NAV2: variants seen among roughly 807,000 people sequenced by gnomAD.
NAV2 encodes the protein neuron navigator 2, also known as helicase, APC down-regulated 1.
A neutral mutation model predicts 223.2 loss-of-function variants in NAV2; 54 were observed. That is an observed-to-expected ratio of 0.24 (90% confidence interval 0.19 to 0.30). NAV2 has a LOEUF of 0.30. Ranked by LOEUF, NAV2 falls within the 10% of genes least tolerant of loss-of-function variation. The pLI is 1.00. For synonymous variants in NAV2, 1,279 were observed against 1,239.3 expected (o/e 1.03, Z -0.67); for missense variants, 2,806 against 3,147.5 (o/e 0.89, Z 2.60).
chr11:19,813,948 AT>A (rs1284784273), intron 1 of NAV2, among the ~76,000 whole-genome samples: 1 of 152,110 alleles, frequency 6.6e-6, no homozygotes, highest in East Asian at 1.9e-4. Context: ...GTTTCAATTT[AT>A]TTTCTATGCA....
At chr11:19,996,358 C>G (rs2051883560) in intron 11 of NAV2, among the ~76,000 whole-genome samples, 1 of 152,338 alleles carries the variant, frequency 6.6e-6, no homozygotes, top group South Asian at 2.1e-4. Context: ...ATCTGGATTT[C>G]TGACCTTTAA....
At chr11:19,627,608 G>A (rs1481364175) in intron 1 of NAV2, among the ~76,000 whole-genome samples, 1 of 152,076 alleles carries the variant, frequency 6.6e-6, no homozygotes, top group Non-Finnish European at 1.5e-5. Flanking sequence ...TACCAAATTG[G>A]GAAAGTTAGT....
At chr11:19,459,167 T>C (rs1852064304) in intron 1 of NAV2, among the ~76,000 whole-genome samples, 1 of 152,246 alleles carries the variant, frequency 6.6e-6, no homozygotes, top group South Asian at 2.1e-4. Flanking sequence ...TACAGGCTTA[T>C]GCATAAAGAA....
intron 6 of NAV2, among the ~76,000 whole-genome samples, chr11:19,895,098 T>A (rs2041846354): frequency 7.8e-6 from 1 of 128,018 alleles, no homozygotes; most frequent in African/African-American, 2.7e-5. Flanking sequence ...CTTTTTCTTT[T>A]TCTTTCTTTT....
intron 1 of NAV2, among the ~76,000 whole-genome samples, chr11:19,661,085 T>C (rs1170811803): frequency 2.6e-5 from 4 of 152,128 alleles, no homozygotes; most frequent in African/African-American, 9.7e-5. Flanking sequence ...ACCCCTGAAA[T>C]AATAACCATC....
Position 19,772,042 on chromosome 11 carries a change from C to T in NAV2, c.267+58080C>T, listed in dbSNP as rs986495331. Among the ~76,000 whole-genome samples, 7 of 152,152 alleles carry T rather than the reference C, an allele frequency of 4.6e-5. No individual in the cohort carries two copies. The East Asian group carries it at 1.4e-3, about 29-fold the overall frequency. Reference sequence around the variant, plus strand: ...GGCTTGTGGACAGGAGTCCTTTCTTCTCTAGGAAGGATTAGTGCTTTTCTT... The same window carrying T: ...GGCTTGTGGACAGGAGTCCTTTCTTTTCTAGGAAGGATTAGTGCTTTTCTT... On this transcript the variant is annotated intron_variant, in intron 1 of 37. Coordinates refer to ENST00000349880, the MANE Select transcript of NAV2 (RefSeq NM_145117.5).
intron 1 of NAV2, among the ~76,000 whole-genome samples, chr11:19,684,743 A>G (rs557256490): frequency 9.9e-5 from 15 of 152,236 alleles, no homozygotes; most frequent in Non-Finnish European, 1.8e-4. Flanking sequence ...GAGTCTCATC[A>G]TATTTCCAGC....
intron 34 of NAV2, chr11:20,105,175 A>G (rs144032285): frequency 1.1e-3 from 193 of 182,412 alleles, no homozygotes; most frequent in African/African-American, 4.3e-3. Context: ...ATCAAGCACA[A>G]GAGGCAGTTT....
intron 34 of NAV2, among the ~76,000 whole-genome samples, chr11:20,104,031 G>T (rs1412848560): frequency 6.6e-6 from 1 of 152,222 alleles, no homozygotes; most frequent in Non-Finnish European, 1.5e-5. Context: ...ATAGGGTCAA[G>T]GGGGCAGCTC....
Position 20,080,128 on chromosome 11 carries a change from C to T in NAV2, c.5244C>T (p.Ser1748=), listed in dbSNP as rs770025581. Residue 1748 remains serine (S), a synonymous_variant, in exon 25 of 38, where the codon TCC becomes TCT. Coordinates refer to ENST00000349880, the MANE Select transcript of NAV2 (RefSeq NM_145117.5). The part of the protein sequence containing the change: ...IRRQHSSDSV[S]SINSATSHSS... ...GGCAGCACTCCTCAGACAGCGTCTCCAGCATCAACAGTGCCACCAGCCACT... is the reference window on the plus strand; with the variant it reads ...GGCAGCACTCCTCAGACAGCGTCTCTAGCATCAACAGTGCCACCAGCCACT... 2 of 1,614,130 alleles carry T rather than the reference C, an allele frequency of 1.2e-6. No homozygotes were observed. The highest frequency in any genetic ancestry group is 1.7e-5 in the Admixed American group (1 of 60,026).
At chr11:20,044,623 G>T (rs1174975277) in intron 13 of NAV2, among the ~76,000 whole-genome samples, 1 of 152,098 alleles carries the variant, frequency 6.6e-6, no homozygotes, top group Non-Finnish European at 1.5e-5. Flanking sequence ...TTATAAACAA[G>T]GGCAGAGGTA....
chr11:19,529,408 A>G (rs2043953522), intron 1 of NAV2, among the ~76,000 whole-genome samples: 2 of 152,090 alleles, frequency 1.3e-5, no homozygotes, highest in African/African-American at 4.8e-5. Flanking sequence ...TACTTGTGTG[A>G]AAGGACATGG....
At chr11:19,716,189 C>T (rs928405514) in intron 1 of NAV2, among the ~76,000 whole-genome samples, 1 of 152,148 alleles carries the variant, frequency 6.6e-6, no homozygotes, top group African/African-American at 2.4e-5. Context: ...GGCAAATGCT[C>T]TCTTGGGGCC....
intron 26 of NAV2, among the ~76,000 whole-genome samples, chr11:20,083,466 A>C (rs902894719): frequency 6.6e-6 from 1 of 152,218 alleles, no homozygotes. Context: ...AATTTGGGAT[A>C]ATGGTTTTTG....
intron 29 of NAV2, among the ~76,000 whole-genome samples, chr11:20,093,458 T>G (rs2060999968): frequency 6.6e-6 from 1 of 152,182 alleles, no homozygotes; most frequent in East Asian, 1.9e-4. Flanking sequence ...TTTCATGTAA[T>G]TAACTAAACA....
chr11:19,453,839 A>AT (rs1249623925), intron 1 of NAV2, among the ~76,000 whole-genome samples: 1 of 152,186 alleles, frequency 6.6e-6, no homozygotes, highest in South Asian at 2.1e-4. Context: ...CCTTTAGAAA[A>AT]AGGAAAGAGG....
At chr11:20,013,679 T>C (rs2053766144) in intron 11 of NAV2, among the ~76,000 whole-genome samples, 1 of 152,134 alleles carries the variant, frequency 6.6e-6, no homozygotes, top group South Asian at 2.1e-4. Flanking sequence ...ATTTACAGCA[T>C]TTCATACAAT....
At chr11:19,803,621 A>G (rs188499059) in intron 1 of NAV2, among the ~76,000 whole-genome samples, 1 of 152,352 alleles carries the variant, frequency 6.6e-6, no homozygotes, top group African/African-American at 2.4e-5. Context: ...ATTAATTGAG[A>G]TAGAGCAGAA....
chr11:20,011,464 C>T (rs761686610), intron 11 of NAV2, among the ~76,000 whole-genome samples: 86 of 152,266 alleles, frequency 5.6e-4, no homozygotes, highest in East Asian at 7.7e-4. Context: ...TGAATACTTG[C>T]TTGCAATGAG....
Sources: allele counts gnomAD v4.1 joint callset (sites outside exome capture counted in the v4.1 genomes callset), GRCh38; gene constraint gnomAD v4.1.1; transcripts MANE v1.5; gene names NCBI Gene and HGNC (gene_info 2026-07-23, HGNC 2026-07-21).